Variants in ZNF236 observed in about 807,000 individuals in gnomAD.
ZNF236 encodes the protein regulated by glucose.
A neutral mutation model predicts 191.2 loss-of-function variants in ZNF236; 50 were observed. The observed-to-expected ratio is 0.26, with a 90% CI of 0.21 to 0.33. ZNF236 has a LOEUF of 0.33. Among genes scored for constraint, ZNF236 ranks in the 10% least tolerant of loss-of-function variants. ZNF236 has a pLI of 1.00. For missense variants in ZNF236, 1,754 were observed against 2,374.5 expected, an observed-to-expected ratio of 0.74 and a Z score of 5.43; for synonymous variants, 907 against 928.8, an observed-to-expected ratio of 0.98 and a Z score of 0.43.
chr18:76,950,834 T>C (rs974984168), intron 27 of ZNF236, among the ~76,000 whole-genome samples: 1 of 152,242 alleles, frequency 6.6e-6, no homozygotes, highest in Non-Finnish European at 1.5e-5. Context: ...CCTTATGAGA[T>C]GTATTTCTTA....
At chr18:76,823,040 G>C (rs1974906878) in intron 1 of ZNF236, among the ~76,000 whole-genome samples, 1 of 149,524 alleles carries the variant, frequency 6.7e-6, no homozygotes, top group South Asian at 2.1e-4. Context: ...CGGGGCCGGA[G>C]GGCCGCGGGG....
intron 19 of ZNF236, among the ~76,000 whole-genome samples, chr18:76,917,705 C>T (rs890907370): frequency 6.6e-5 from 10 of 152,162 alleles, no homozygotes; most frequent in African/African-American, 2.4e-4. Flanking sequence ...TGTCTCCAGT[C>T]TGTGCTATAC....
At chr18:76,922,383 T>A (rs1284618428) in intron 20 of ZNF236, among the ~76,000 whole-genome samples, 1 of 152,182 alleles carries the variant, frequency 6.6e-6, no homozygotes, top group East Asian at 1.9e-4. Flanking sequence ...TATCTCGTCG[T>A]TTTCATCTGT....
At chr18:76,884,629 C>T (rs1183919846) in intron 9 of ZNF236, among the ~76,000 whole-genome samples, 1 of 152,140 alleles carries the variant, frequency 6.6e-6, no homozygotes, top group Non-Finnish European at 1.5e-5. Flanking sequence ...GGGGTCACTG[C>T]CGTGAACTTC....
intron 3 of ZNF236, among the ~76,000 whole-genome samples, chr18:76,854,641 A>C (rs1311908894): frequency 2.0e-5 from 3 of 151,760 alleles, no homozygotes. Context: ...AATAGTTTTC[A>C]TCATTGTTTA....
chr18:76,916,113 T>G (rs1414505406), intron 19 of ZNF236, among the ~76,000 whole-genome samples: 1 of 152,248 alleles, frequency 6.6e-6, no homozygotes, highest in African/African-American at 2.4e-5. Context: ...TCTCACACTG[T>G]GTTCTTCCTT....
At chr18:76,899,328 T>A in intron 11 of ZNF236, 106 bp downstream of exon 11, 1 of 972,246 alleles carries the variant, frequency 1.0e-6, no homozygotes, top group South Asian at 1.7e-5. Context: ...AATAGTTTTT[T>A]AGGCATAGTA....
chr18:76,892,168 G>GTTTTTTTTTTTTTTTT (rs34870901), intron 9 of ZNF236, among the ~76,000 whole-genome samples: 2 of 52,774 alleles, frequency 3.8e-5, no homozygotes, highest in African/African-American at 6.4e-5. Context: ...TTTCTTCTGG[G>GTTTTTTTTTTTTTTTT]TTTTTTTTTT....
intron 1 of ZNF236, among the ~76,000 whole-genome samples, chr18:76,843,803 A>AAAAAAAAAAAAGAAAAG (rs71172383): frequency 1.6e-5 from 1 of 62,080 alleles, no homozygotes; most frequent in Middle Eastern, 0.019. Context: ...AAAAAAAAAA[A>AAAAAAAAAAAAGAAAAG]AAGTAAAGAA....
At chr18:76,930,902 A>G (rs1967827944) in intron 25 of ZNF236, among the ~76,000 whole-genome samples, 1 of 152,242 alleles carries the variant, frequency 6.6e-6, no homozygotes, top group Non-Finnish European at 1.5e-5. Context: ...GTGAACAAAT[A>G]CTGTCATTTA....
intron 22 of ZNF236, among the ~76,000 whole-genome samples, chr18:76,926,052 C>A (rs1286647126): frequency 1.3e-5 from 2 of 152,110 alleles, no homozygotes; most frequent in Admixed American, 6.5e-5. Context: ...TTCTGTGACT[C>A]GTGGCAGGAT....
intron 26 of ZNF236, among the ~76,000 whole-genome samples, chr18:76,938,639 C>A (rs1968058446): frequency 6.6e-6 from 1 of 152,194 alleles, no homozygotes; most frequent in Non-Finnish European, 1.5e-5. Context: ...GTGGGATGCT[C>A]ACATGTTGTT....
chr18:76,855,840 G>A (rs1325079955), intron 3 of ZNF236, among the ~76,000 whole-genome samples: 4 of 152,116 alleles, frequency 2.6e-5, no homozygotes, highest in African/African-American at 4.8e-5. Flanking sequence ...CCATTGCTAC[G>A]AGTGACCTGG....
At chr18:76,850,048 G>T (rs1287250780) in intron 2 of ZNF236, among the ~76,000 whole-genome samples, 1 of 152,108 alleles carries the variant, frequency 6.6e-6, no homozygotes, top group Non-Finnish European at 1.5e-5. Context: ...TTTAAAAATG[G>T]TATTCTAGAT....
chr18:76,931,801 A>G (rs1284463103), intron 25 of ZNF236, among the ~76,000 whole-genome samples: 1 of 152,234 alleles, frequency 6.6e-6, no homozygotes, highest in African/African-American at 2.4e-5. Flanking sequence ...GTTTAGGATA[A>G]CATACCTATC....
Position 76,908,096 on chromosome 18 carries a change from C to T in ZNF236, c.2298-224C>T, listed in dbSNP as rs189044557. 3.7e-3 allele frequency among the ~76,000 whole-genome samples: 561 copies of T among 152,238 alleles called. 1 individual carries two copies. The highest frequency in any genetic ancestry group is 0.012 in the African/African-American group (509 of 41,548). On this transcript the variant is annotated intron_variant, in intron 13 of 30. Coordinates refer to ENST00000320610, the MANE Select transcript of ZNF236 (RefSeq NM_001306089.2). Reference sequence around the variant, plus strand: ...TGTTGTCCTTCATCCTCCGTTCGTGCCTTGTGTCTTGTAGCCGGTGGAAGC... The same window carrying T: ...TGTTGTCCTTCATCCTCCGTTCGTGTCTTGTGTCTTGTAGCCGGTGGAAGC...
chr18:76,909,020 A>G (rs1397165032), intron 14 of ZNF236, among the ~76,000 whole-genome samples: 1 of 151,828 alleles, frequency 6.6e-6, no homozygotes. Flanking sequence ...GTATGCGTAT[A>G]TAATTATACA....
intron 26 of ZNF236, among the ~76,000 whole-genome samples, chr18:76,945,225 A>G (rs2122908941): frequency 6.6e-6 from 1 of 152,346 alleles, no homozygotes; most frequent in South Asian, 2.1e-4. Context: ...GTTTGGGAAT[A>G]TATTAATTTA....
intron 9 of ZNF236, among the ~76,000 whole-genome samples, chr18:76,892,583 T>C (rs1025053839): frequency 2.6e-5 from 4 of 152,142 alleles, no homozygotes; most frequent in Admixed American, 6.5e-5. Flanking sequence ...TATAAACTTA[T>C]TGAGATGGAA....
Sources: gnomAD v4.1 joint callset for allele counts (sites outside exome capture counted in the v4.1 genomes callset) on GRCh38, gnomAD v4.1.1 for gene constraint, MANE v1.5 for transcripts, NCBI Gene and HGNC (gene_info 2026-07-23, HGNC 2026-07-21) for gene names.